The following CRY1 variants were observed in gnomAD, a reference collection of about 807,000 sequenced individuals.
The protein encoded by CRY1 is cryptochrome circadian regulator 1, also known as cryptochrome-1.
CRY1 carries 45 observed loss-of-function variants against 76.0 expected under a neutral mutation model. The ratio of observed to expected loss-of-function variants is 0.59; its 90% CI spans 0.47 to 0.76. CRY1 has a LOEUF of 0.76. Among genes scored for constraint, CRY1 ranks in the 30% least tolerant of loss-of-function variants. The pLI, the probability that CRY1 is intolerant of heterozygous loss-of-function variation, is 0.00. For missense variants in CRY1, 587 were observed against 716.4 expected (o/e 0.82, Z 2.06); for synonymous variants, 248 against 244.0 (o/e 1.02, Z -0.15).
rs59675852 is a variant in CRY1 at position 107,070,867 on chromosome 12, ATTT to A, written c.158+21934_158+21936del. On this transcript the variant is annotated intron_variant, in intron 1 of 12. Transcript: ENST00000008527. ...AGGCACCTGCCACCATGCCTGGCTA[ATTT>A]TTTTTTTTTTTTTTTAGTAGAGACA... Among the ~76,000 whole-genome samples, 872 of 135,240 alleles carry A rather than the reference ATTT, an allele frequency of 6.4e-3. 7 individuals carry two copies. The highest frequency in any genetic ancestry group is 9.5e-3 in the Non-Finnish European group (602 of 63,214). 88.7% of individuals were successfully genotyped at this position (135,240 alleles called of 152,430 possible). A position where few individuals can be genotyped will look rare whatever the true frequency, so the allele number is the denominator to read the frequency against.
rs542877262 is a variant in CRY1, at chr12:107,031,620, C to T, written c.159-9428G>A. Among the ~76,000 whole-genome samples the T allele has an allele frequency of 2.6e-5, 4 of 152,274 alleles. No homozygotes were observed. The East Asian group carries it at 7.7e-4, about 29-fold the overall frequency. ...GTCAATCATGTTGATATTATGTTCA[C>T]TCTGACTTAATGTGATGAGAAAACC... is the stretch of plus-strand genomic sequence containing the variant. On this transcript the variant is annotated intron_variant, in intron 1 of 12. Coordinates refer to ENST00000008527, the MANE Select transcript of CRY1 (RefSeq NM_004075.5).
chr12:107,005,016 T>C (rs1952353682), intron 3 of CRY1, 90 bp downstream of exon 3: 1 of 1,223,744 alleles, frequency 8.2e-7, no homozygotes, highest in Non-Finnish European at 1.1e-6. Context: ...ATGTAGTTAA[T>C]ACCACCGAAC....
intron 1 of CRY1, among the ~76,000 whole-genome samples, chr12:107,092,238 G>A (rs1157576756): frequency 6.6e-6 from 1 of 152,182 alleles, no homozygotes; most frequent in Non-Finnish European, 1.5e-5. Context: ...TGCCTAGAAA[G>A]AAAAACTGTG....
chr12:106,995,948 A>G (rs1355735863), intron 10 of CRY1, among the ~76,000 whole-genome samples: 1 of 152,088 alleles, frequency 6.6e-6, no homozygotes, highest in Non-Finnish European at 1.5e-5. Context: ...GGTTCAAGTG[A>G]TTCTCCTGCC....
chr12:107,044,153 A>G (rs1952826859), intron 1 of CRY1, among the ~76,000 whole-genome samples: 1 of 152,172 alleles, frequency 6.6e-6, no homozygotes, highest in Non-Finnish European at 1.5e-5. Context: ...CCCTGAGATT[A>G]GGACCTCCAT....
At chr12:107,074,561 C>T (rs550087907) in intron 1 of CRY1, among the ~76,000 whole-genome samples, 3 of 152,070 alleles carry the variant, frequency 2.0e-5, no homozygotes, top group Admixed American at 2.0e-4. Flanking sequence ...ATATGCAACC[C>T]AAACCAAATA....
At chr12:106,999,441 T>C in intron 7 of CRY1, 110 bp downstream of exon 7, 1 of 1,046,378 alleles carries the variant, frequency 9.6e-7, no homozygotes, top group African/African-American at 1.6e-5. Flanking sequence ...TTTTATCCAC[T>C]GAAAAACTAC....
intron 1 of CRY1, among the ~76,000 whole-genome samples, chr12:107,039,888 T>G (rs971326800): frequency 1.3e-5 from 2 of 152,122 alleles, no homozygotes; most frequent in Non-Finnish European, 2.9e-5. Flanking sequence ...CTATTCAAAA[T>G]AGCCACAAGA....
chr12:107,049,156 C>A (rs1297645763), intron 1 of CRY1, among the ~76,000 whole-genome samples: 1 of 152,168 alleles, frequency 6.6e-6, no homozygotes, highest in Non-Finnish European at 1.5e-5. Context: ...CAACCAAAAG[C>A]TGAAATAGTC....
chr12:107,008,753 C>A (rs1952402104), intron 2 of CRY1, among the ~76,000 whole-genome samples: 1 of 152,128 alleles, frequency 6.6e-6, no homozygotes, highest in Non-Finnish European at 1.5e-5. Flanking sequence ...ATGGGAGGGA[C>A]CCAGTGGGAG....
Position 107,064,941 on chromosome 12 carries a change from A to T in CRY1, c.158+27863T>A, listed in dbSNP as rs182605106. On this transcript the variant is annotated intron_variant, in intron 1 of 12. Coordinates refer to ENST00000008527, the MANE Select transcript of CRY1 (RefSeq NM_004075.5). ...GGAGGGGCAAAAGCTGGACAATGAT[A>T]TCAAGCCAAACAACAGATAAATGGA... Among the ~76,000 whole-genome samples, 148 of 152,332 alleles carry T rather than the reference A, an allele frequency of 9.7e-4. 1 individual carries two copies. The highest frequency in any genetic ancestry group is 3.3e-3 in the African/African-American group (139 of 41,584).
At chr12:107,064,879 T>C (rs1283334946) in intron 1 of CRY1, among the ~76,000 whole-genome samples, 1 of 152,210 alleles carries the variant, frequency 6.6e-6, no homozygotes, top group Non-Finnish European at 1.5e-5. Flanking sequence ...ATCATGCTAA[T>C]GGAGCAACAG....
intron 1 of CRY1, among the ~76,000 whole-genome samples, chr12:107,029,886 A>ATCATTTT (rs1279825764): frequency 6.6e-6 from 1 of 152,220 alleles, no homozygotes. Flanking sequence ...GCTCTGAAAA[A>ATCATTTT]TCAGGTGGGA....
intron 1 of CRY1, among the ~76,000 whole-genome samples, chr12:107,059,701 T>C (rs1433074731): frequency 6.6e-6 from 1 of 151,986 alleles, no homozygotes; most frequent in Non-Finnish European, 1.5e-5. Flanking sequence ...TCAACATAAA[T>C]AGTAATGATG....
At chr12:107,078,567 T>C (rs951898610) in intron 1 of CRY1, among the ~76,000 whole-genome samples, 1 of 152,154 alleles carries the variant, frequency 6.6e-6, no homozygotes, top group African/African-American at 2.4e-5. Context: ...TATGGCTGTA[T>C]CCAATCTCAT....
chr12:107,077,296 T>C (rs1355324366), intron 1 of CRY1, among the ~76,000 whole-genome samples: 1 of 152,220 alleles, frequency 6.6e-6, no homozygotes, highest in Non-Finnish European at 1.5e-5. Flanking sequence ...TAACATTGTA[T>C]GTTCTAATTG....
rs80038993 is a variant in CRY1, at chr12:107,018,752, A to G, written c.267+3332T>C. The stretch of plus-strand genomic sequence containing the variant: ...CTAGAAAGAGCCATCTTGTTAGCCT[A>G]TATTAAGTCAGAGTTTAACTTAGAA... On this transcript the variant is annotated intron_variant, in intron 2 of 12. Coordinates refer to ENST00000008527, the MANE Select transcript of CRY1 (RefSeq NM_004075.5). 8.3e-3 allele frequency among the ~76,000 whole-genome samples: 1,262 copies of G among 152,316 alleles called. 14 individuals are homozygous for G. Among genetic ancestry groups the G allele is most frequent in the African/African-American group, 0.028 (1,174 of 41,574 alleles).
At chr12:107,062,201 A>G (rs879361246) in intron 1 of CRY1, among the ~76,000 whole-genome samples, 2 of 152,104 alleles carry the variant, frequency 1.3e-5, no homozygotes, top group Non-Finnish European at 2.9e-5. Context: ...ATCTCATCCT[A>G]TATTTCAAAA....
chr12:107,084,598 C>A (rs190883317), intron 1 of CRY1, among the ~76,000 whole-genome samples: 34 of 152,218 alleles, frequency 2.2e-4, no homozygotes, highest in Admixed American at 1.9e-3. Flanking sequence ...ATAAATGGTG[C>A]TGGGAAAACT....
Sources: allele counts gnomAD v4.1 joint callset (sites outside exome capture counted in the v4.1 genomes callset), GRCh38; gene constraint gnomAD v4.1.1; transcripts MANE v1.5; gene names NCBI Gene and HGNC (gene_info 2026-07-23, HGNC 2026-07-21).